PTPRD: variants seen among roughly 807,000 people sequenced by gnomAD.
PTPRD encodes the protein receptor-type tyrosine-protein phosphatase delta.
In PTPRD, 34 loss-of-function variants were observed where a neutral mutation model predicts 214.5. The observed-to-expected ratio is 0.16, with a 90% CI of 0.12 to 0.21. The LOEUF is 0.21. Ranked by LOEUF, PTPRD falls within the 10% of genes least tolerant of loss-of-function variation. PTPRD has a pLI of 1.00. For synonymous variants in PTPRD, 1,128 were observed against 845.7 expected (o/e 1.33, Z -5.79); for missense variants, 2,545 against 2,398.7 (o/e 1.06, Z -1.27).
intron 7 of PTPRD, among the ~76,000 whole-genome samples, chr9:9,702,198 C>T (rs566993294): frequency 2.0e-5 from 3 of 152,034 alleles, no homozygotes; most frequent in South Asian, 2.1e-4. Context: ...GGGCTAAGAA[C>T]ATTTATGGGA....
intron 11 of PTPRD, among the ~76,000 whole-genome samples, chr9:8,820,455 A>G (rs1401279870): frequency 1.3e-5 from 2 of 152,160 alleles, no homozygotes; most frequent in East Asian, 3.8e-4. Context: ...ATAAAGCCTG[A>G]TCATATTCAT....
chr9:8,443,478 T>C (rs2095617539), intron 34 of PTPRD, among the ~76,000 whole-genome samples: 2 of 152,218 alleles, frequency 1.3e-5, no homozygotes, highest in Admixed American at 1.3e-4. Context: ...TTCTGATCCG[T>C]TAACTTTTTA....
At chr9:9,335,515 C>T (rs2044096224) in intron 9 of PTPRD, among the ~76,000 whole-genome samples, 1 of 152,006 alleles carries the variant, frequency 6.6e-6, no homozygotes, top group South Asian at 2.1e-4. Context: ...CTTACTAAGT[C>T]TGTTTGAATT....
chr9:10,354,178 A>C (rs1415537368), intron 2 of PTPRD, among the ~76,000 whole-genome samples: 2 of 152,114 alleles, frequency 1.3e-5, no homozygotes, highest in South Asian at 2.1e-4. Context: ...ACAATAGATA[A>C]CATTGTCCAG....
At chr9:8,791,410 G>C (rs968040182) in intron 11 of PTPRD, among the ~76,000 whole-genome samples, 9 of 151,640 alleles carry the variant, frequency 5.9e-5, no homozygotes, top group Non-Finnish European at 1.0e-4. Flanking sequence ...ATTTTTAGTA[G>C]AGACATGGTT....
rs191302206 is a variant in PTPRD at position 10,514,447 on chromosome 9, A to T, written c.-600+97951T>A. Among the ~76,000 whole-genome samples, 1,013 of 151,526 alleles carry T rather than the reference A, an allele frequency of 6.7e-3. 12 individuals carry two copies. Among genetic ancestry groups the T allele is most frequent in the African/African-American group, 0.024 (975 of 41,484 alleles). Reference sequence around the variant, plus strand: ...ATATACACCATAGTTTGTTATAGACATATATAGTTATATATATAAAATAAA... The same window carrying T: ...ATATACACCATAGTTTGTTATAGACTTATATAGTTATATATATAAAATAAA... On this transcript the variant is annotated intron_variant, in intron 2 of 45. Coordinates refer to ENST00000381196, the MANE Select transcript of PTPRD (RefSeq NM_002839.4).
chr9:8,762,868 A>G (rs921442212), intron 11 of PTPRD, among the ~76,000 whole-genome samples: 2 of 152,202 alleles, frequency 1.3e-5, no homozygotes, highest in Non-Finnish European at 2.9e-5. Flanking sequence ...GGTGAGAAAA[A>G]GCACAGAATG....
intron 7 of PTPRD, among the ~76,000 whole-genome samples, chr9:9,635,876 C>T (rs778812310): frequency 1.4e-4 from 22 of 152,142 alleles, no homozygotes; most frequent in African/African-American, 5.3e-4. Context: ...CAAAGTATCA[C>T]CATCCTTCAC....
intron 2 of PTPRD, among the ~76,000 whole-genome samples, chr9:10,396,376 T>A (rs1300571202): frequency 6.6e-6 from 1 of 151,956 alleles, no homozygotes; most frequent in South Asian, 2.1e-4. Flanking sequence ...CAATAGACCA[T>A]GTAATTCTTC....
At chr9:9,967,500 G>C (rs369007388) in intron 4 of PTPRD, among the ~76,000 whole-genome samples, 3 of 152,224 alleles carry the variant, frequency 2.0e-5, no homozygotes, top group African/African-American at 7.2e-5. Context: ...AAACAATTAT[G>C]TATTAGAAGG....
chr9:8,502,001 A>T (rs1251816100), intron 23 of PTPRD, among the ~76,000 whole-genome samples: 2 of 152,114 alleles, frequency 1.3e-5, no homozygotes, highest in African/African-American at 2.4e-5. Flanking sequence ...GAAAAGATAT[A>T]ATTTCTGTGC....
intron 9 of PTPRD, among the ~76,000 whole-genome samples, chr9:9,276,934 C>T (rs1319699588): frequency 6.6e-6 from 1 of 151,318 alleles, no homozygotes. Context: ...TGGAAAGTTA[C>T]TTCCTTCACA....
chr9:9,425,569 T>C (rs577847017), intron 8 of PTPRD, among the ~76,000 whole-genome samples: 23 of 74,400 alleles, frequency 3.1e-4, no homozygotes, highest in African/African-American at 1.2e-3. Flanking sequence ...TACATCAGAA[T>C]AGACAGTTCA....
intron 11 of PTPRD, among the ~76,000 whole-genome samples, chr9:8,864,178 G>C (rs927964983): frequency 2.8e-4 from 43 of 152,254 alleles, no homozygotes; most frequent in African/African-American, 1.0e-3. Flanking sequence ...CAAATCATGG[G>C]ACATAACCTG....
chr9:10,158,228 C>T lies in PTPRD; in HGVS notation c.-544-124438G>A, dbSNP rs181985267. Among the ~76,000 whole-genome samples the T allele has an allele frequency of 7.9e-5, 12 of 152,162 alleles. No individual in the cohort carries two copies. The East Asian group carries it at 1.9e-3, about 24-fold the overall frequency. On this transcript the variant is annotated intron_variant, in intron 3 of 45. Transcript: ENST00000381196. ...TTCACCATGTTGGCCAGGCTGTTCT[C>T]GAACTCCTGACCTCATGATCTGCCC...
At chr9:8,585,916 T>C (rs1464433662) in intron 14 of PTPRD, among the ~76,000 whole-genome samples, 1 of 152,236 alleles carries the variant, frequency 6.6e-6, no homozygotes, top group Non-Finnish European at 1.5e-5. Flanking sequence ...CTCTCTGCCA[T>C]GATTGTGCCA....
intron 8 of PTPRD, among the ~76,000 whole-genome samples, chr9:9,503,598 T>C (rs142252939): frequency 6.6e-6 from 1 of 151,904 alleles, no homozygotes; most frequent in East Asian, 1.9e-4. Context: ...AAATATTGCA[T>C]AGGAATCAAT....
chr9:9,822,424 A>G (rs2051097226), intron 5 of PTPRD, among the ~76,000 whole-genome samples: 1 of 147,942 alleles, frequency 6.8e-6, no homozygotes, highest in South Asian at 2.1e-4. Flanking sequence ...AATATATAAT[A>G]TATACATAAT....
At chr9:9,525,072 T>G (rs1239888249) in intron 8 of PTPRD, among the ~76,000 whole-genome samples, 1 of 152,192 alleles carries the variant, frequency 6.6e-6, no homozygotes, top group Non-Finnish European at 1.5e-5. Context: ...TTAGCCAGGA[T>G]GGTCTCGATC....
Sources: allele counts gnomAD v4.1 joint callset (sites outside exome capture counted in the v4.1 genomes callset), GRCh38; gene constraint gnomAD v4.1.1; transcripts MANE v1.5; gene names NCBI Gene and HGNC (gene_info 2026-07-23, HGNC 2026-07-21).